Variants in BTBD9 observed in about 807,000 individuals in gnomAD.
BTBD9 encodes BTB/POZ domain-containing protein 9.
Under a neutral mutation model 64.3 loss-of-function variants are expected in BTBD9, and 49 were observed. That is an observed-to-expected ratio of 0.76 (90% CI 0.61 to 0.97). The LOEUF (loss-of-function observed/expected upper bound fraction) is 0.97, where lower values mean the gene tolerates loss of function less well. BTBD9 is among the 50% of genes least tolerant of loss of function. The pLI, the probability that BTBD9 is intolerant of heterozygous loss-of-function variation, is 0.00. For missense variants in BTBD9, 598 were observed against 762.1 expected (o/e 0.78, Z 2.53); for synonymous variants, 260 against 274.7 (o/e 0.95, Z 0.53).
chr6:38,180,002 T>G (rs767139529), intron 10 of BTBD9: 3 of 372,226 alleles, frequency 8.1e-6, no homozygotes, highest in Non-Finnish European at 1.6e-5. Flanking sequence ...GTCACCCCTC[T>G]GTGGAGCAGT....
In BTBD9 at chr6:38,333,946, G is replaced by A. The variant is rs117781615; in HGVS notation, c.1264+11038C>T. Among the ~76,000 whole-genome samples, 139 of 152,300 alleles carry A rather than the reference G, an allele frequency of 9.1e-4. 3 individuals are homozygous for A. The East Asian group carries it at 0.013, about 14-fold the overall frequency. ...AGACAGGAAGATGAGGGAAGGCTTA[G>A]AAGTTCTTAGACTTGTTAAATTGTT... On this transcript the variant is annotated intron_variant, in intron 7 of 10. Coordinates refer to ENST00000481247, the MANE Select transcript of BTBD9 (RefSeq NM_001099272.2).
chr6:38,193,643 C>T (rs141361027), intron 9 of BTBD9, among the ~76,000 whole-genome samples: 1 of 152,280 alleles, frequency 6.6e-6, no homozygotes, highest in African/African-American at 2.4e-5. Context: ...GCATGGCACC[C>T]ACGACTGTAA....
chr6:38,589,101 A>C (rs1776679300), intron 4 of BTBD9, among the ~76,000 whole-genome samples: 1 of 152,226 alleles, frequency 6.6e-6, no homozygotes, highest in Admixed American at 6.5e-5. Flanking sequence ...AAGGATTCCC[A>C]AACATTTACA....
At chr6:38,500,634 C>T (rs762690958) in intron 6 of BTBD9, among the ~76,000 whole-genome samples, 2 of 152,188 alleles carry the variant, frequency 1.3e-5, no homozygotes, top group Non-Finnish European at 2.9e-5. Flanking sequence ...GGTGAGAGTG[C>T]CTGATCTGCA....
chr6:38,432,750 G>A (rs1028182195), intron 6 of BTBD9, among the ~76,000 whole-genome samples: 3 of 151,834 alleles, frequency 2.0e-5, no homozygotes, highest in African/African-American at 7.3e-5. Flanking sequence ...CAGTGTATGA[G>A]GACCATTTTC....
At chr6:38,627,884 T>C (rs957633627) in intron 1 of BTBD9, among the ~76,000 whole-genome samples, 1 of 152,160 alleles carries the variant, frequency 6.6e-6, no homozygotes, top group Non-Finnish European at 1.5e-5. Flanking sequence ...ATGCTGTTAC[T>C]AAAAAGGATC....
intron 6 of BTBD9, among the ~76,000 whole-genome samples, chr6:38,372,647 C>T (rs116184949): frequency 0.024 from 3,628 of 152,278 alleles, 59 homozygotes; most frequent in Non-Finnish European, 0.035. Flanking sequence ...GCACTGAGAC[C>T]GTGGCCTACC....
intron 9 of BTBD9, among the ~76,000 whole-genome samples, chr6:38,215,231 G>C (rs909290970): frequency 2.0e-5 from 3 of 152,106 alleles, no homozygotes; most frequent in Admixed American, 2.0e-4. Context: ...GGTCATGAGG[G>C]CTTACTGTCT....
chr6:38,288,525 G>T, intron 7 of BTBD9, 64 bp from the exon 8 acceptor site: 2 of 1,329,648 alleles, frequency 1.5e-6, no homozygotes, highest in Non-Finnish European at 2.1e-6. Context: ...TCTATAGTGT[G>T]CTCAGAACAA....
chr6:38,374,565 T>C (rs1389073082), intron 6 of BTBD9, among the ~76,000 whole-genome samples: 1 of 151,688 alleles, frequency 6.6e-6, no homozygotes, highest in Non-Finnish European at 1.5e-5. Flanking sequence ...GACATCTCTT[T>C]TTTAGCATAA....
chr6:38,338,473 T>C (rs1763981723), intron 7 of BTBD9, among the ~76,000 whole-genome samples: 1 of 152,168 alleles, frequency 6.6e-6, no homozygotes. Flanking sequence ...CCTGGATCCA[T>C]GCTGGTAAGA....
chr6:38,178,890 G>C (rs1761408601), intron 10 of BTBD9, among the ~76,000 whole-genome samples: 2 of 152,032 alleles, frequency 1.3e-5, no homozygotes, highest in African/African-American at 4.8e-5. Context: ...GTCTCGCTCT[G>C]TCGCCAGGCT....
intron 9 of BTBD9, among the ~76,000 whole-genome samples, chr6:38,201,336 C>T (rs1238460781): frequency 1.3e-5 from 2 of 152,086 alleles, no homozygotes; most frequent in Admixed American, 1.3e-4. Context: ...AAATCGAGGA[C>T]AAAAACCATA....
intron 6 of BTBD9, among the ~76,000 whole-genome samples, chr6:38,527,775 G>A (rs1436524794): frequency 3.6e-5 from 5 of 138,780 alleles, no homozygotes; most frequent in African/African-American, 1.5e-4. Context: ...AATTTCCTAG[G>A]AAAGGAAAGA....
intron 9 of BTBD9, among the ~76,000 whole-genome samples, chr6:38,232,747 C>T (rs1035831971): frequency 1.3e-5 from 2 of 151,856 alleles, no homozygotes; most frequent in African/African-American, 2.4e-5. Flanking sequence ...GATCTTCCCA[C>T]CTCAGCCTCC....
At chr6:38,337,298 C>A (rs1249698589) in intron 7 of BTBD9, among the ~76,000 whole-genome samples, 1 of 152,170 alleles carries the variant, frequency 6.6e-6, no homozygotes, top group Non-Finnish European at 1.5e-5. Flanking sequence ...CCTTAACAGC[C>A]CAGATTTCCA....
At chr6:38,198,222 G>A (rs1035294209) in intron 9 of BTBD9, among the ~76,000 whole-genome samples, 2 of 151,182 alleles carry the variant, frequency 1.3e-5, no homozygotes, top group Non-Finnish European at 3.0e-5. Context: ...GGAATTTGCT[G>A]GAGATGGAAT....
At chr6:38,215,120 C>T (rs1251383378) in intron 9 of BTBD9, among the ~76,000 whole-genome samples, 1 of 152,156 alleles carries the variant, frequency 6.6e-6, no homozygotes, top group African/African-American at 2.4e-5. Flanking sequence ...CTTTCTGATT[C>T]TATTGTCAGG....
chr6:38,418,811 G>A (rs902155258), intron 6 of BTBD9, among the ~76,000 whole-genome samples: 2 of 152,166 alleles, frequency 1.3e-5, no homozygotes, highest in Non-Finnish European at 2.9e-5. Flanking sequence ...GGATGAGAAT[G>A]CATGGACTAG....
Sources: gnomAD v4.1 joint callset for allele counts (sites outside exome capture counted in the v4.1 genomes callset) on GRCh38, gnomAD v4.1.1 for gene constraint, MANE v1.5 for transcripts, NCBI Gene and HGNC (gene_info 2026-07-23, HGNC 2026-07-21) for gene names.